The following ROBO2 variants were observed in gnomAD, a reference collection of about 807,000 sequenced individuals.
The protein encoded by ROBO2 is roundabout homolog 2.
Under a neutral mutation model 160.8 loss-of-function variants are expected in ROBO2, and 53 were observed. The ratio of observed to expected loss-of-function variants is 0.33; its 90% CI spans 0.26 to 0.41. ROBO2 has a LOEUF of 0.41. ROBO2 is among the 10% of genes least tolerant of loss of function. The pLI, the probability that ROBO2 is intolerant of heterozygous loss-of-function variation, is 1.00. For synonymous variants in ROBO2, 664 were observed against 611.7 expected (o/e 1.09, Z -1.26); for missense variants, 1,577 against 1,722.4 (o/e 0.92, Z 1.49).
intron 2 of ROBO2, among the ~76,000 whole-genome samples, chr3:76,063,027 A>G (rs1253034803): frequency 2.6e-5 from 4 of 152,170 alleles, no homozygotes; most frequent in African/African-American, 9.7e-5. Context: ...TAAGTTCTTG[A>G]TTAAGCTTAT....
At chr3:76,966,791 C>T (rs999658490) in intron 2 of ROBO2, among the ~76,000 whole-genome samples, 7 of 152,102 alleles carry the variant, frequency 4.6e-5, no homozygotes, top group Admixed American at 1.3e-4. Context: ...ATAAAATGCC[C>T]GGTATACCGT....
chr3:77,337,601 T>A (rs1288198485), intron 2 of ROBO2, among the ~76,000 whole-genome samples: 1 of 152,204 alleles, frequency 6.6e-6, no homozygotes, highest in African/African-American at 2.4e-5. Flanking sequence ...ATTGTTACTT[T>A]ATTTTATTTG....
rs190274325 is a variant in ROBO2, at chr3:76,249,219, A to C, written c.109+311617A>C. On this transcript the variant is annotated intron_variant, in intron 2 of 26. Transcript: ENST00000487694. ...GAGTTAAAACTTAGTGTAGTAAGAA[A>C]GAACATCACCACCACACAGTACTAA... 1.4e-3 allele frequency among the ~76,000 whole-genome samples: 217 copies of C among 152,256 alleles called. 2 individuals carry two copies. The highest frequency in any genetic ancestry group is 6.8e-3 in the Middle Eastern group (2 of 294).
At chr3:76,453,902 A>T (rs1052190935) in intron 2 of ROBO2, among the ~76,000 whole-genome samples, 2 of 152,148 alleles carry the variant, frequency 1.3e-5, no homozygotes, top group Non-Finnish European at 2.9e-5. Flanking sequence ...TCTATTACAG[A>T]TAAAATAAGG....
chr3:76,589,746 T>G (rs773831177), intron 2 of ROBO2, among the ~76,000 whole-genome samples: 11 of 152,254 alleles, frequency 7.2e-5, no homozygotes, highest in Non-Finnish European at 1.2e-4. Flanking sequence ...GTGACTCTAT[T>G]CAGTAATAAA....
At chr3:77,134,983 G>A (rs2076160417) in intron 2 of ROBO2, among the ~76,000 whole-genome samples, 2 of 152,164 alleles carry the variant, frequency 1.3e-5, no homozygotes, top group South Asian at 2.1e-4. Context: ...CCATCTGTTT[G>A]CAGGACGGCA....
chr3:77,317,194 A>T (rs2064092596), intron 2 of ROBO2: 2 of 858,966 alleles, frequency 2.3e-6, no homozygotes, highest in Non-Finnish European at 4.1e-6. Flanking sequence ...AGCACCCCGG[A>T]TGGAAGGCCC....
intron 2 of ROBO2, among the ~76,000 whole-genome samples, chr3:76,001,563 G>C (rs767167087): frequency 6.6e-5 from 10 of 151,772 alleles, no homozygotes; most frequent in Non-Finnish European, 1.3e-4. Flanking sequence ...TCTGTGGCAG[G>C]GTCTCAGGCT....
At chr3:76,042,356 CAG>C (rs1250048251) in intron 2 of ROBO2, among the ~76,000 whole-genome samples, 1 of 151,930 alleles carries the variant, frequency 6.6e-6, no homozygotes, top group Admixed American at 6.6e-5. Flanking sequence ...GTGCGAATAT[CAG>C]AGATTAAAAT....
intron 2 of ROBO2, among the ~76,000 whole-genome samples, chr3:76,637,036 A>C (rs550963463): frequency 6.6e-6 from 1 of 152,254 alleles, no homozygotes; most frequent in African/African-American, 2.4e-5. Flanking sequence ...AGCAAGCAGC[A>C]AGGAATAGAT....
At chr3:76,077,413 A>G (rs926534128) in intron 2 of ROBO2, among the ~76,000 whole-genome samples, 2 of 152,050 alleles carry the variant, frequency 1.3e-5, no homozygotes, top group Admixed American at 6.6e-5. Context: ...AAATACAAAA[A>G]TTAGCCGTGT....
chr3:76,624,404 G>C (rs187847059), intron 2 of ROBO2, among the ~76,000 whole-genome samples: 2 of 152,120 alleles, frequency 1.3e-5, no homozygotes, highest in East Asian at 3.9e-4. Context: ...TGCTTATAGA[G>C]CCAGGCTTTC....
At chr3:77,376,692 A>G (rs899462696) in intron 2 of ROBO2, among the ~76,000 whole-genome samples, 12 of 151,998 alleles carry the variant, frequency 7.9e-5, no homozygotes, top group Non-Finnish European at 1.8e-4. Context: ...GCTGAATGTT[A>G]ATTACCTGCA....
intron 2 of ROBO2, among the ~76,000 whole-genome samples, chr3:77,344,095 C>A (rs903467293): frequency 2.0e-5 from 3 of 151,948 alleles, no homozygotes; most frequent in Non-Finnish European, 4.4e-5. Flanking sequence ...ATAAACATGA[C>A]CTTGATATAG....
At chr3:76,297,962 C>G (rs1709165029) in intron 2 of ROBO2, among the ~76,000 whole-genome samples, 1 of 152,072 alleles carries the variant, frequency 6.6e-6, no homozygotes, top group South Asian at 2.1e-4. Flanking sequence ...CACACAGAGA[C>G]AACATTGTGA....
chr3:76,608,307 A>G (rs531556007), intron 2 of ROBO2, among the ~76,000 whole-genome samples: 4 of 152,250 alleles, frequency 2.6e-5, no homozygotes, highest in African/African-American at 9.6e-5. Context: ...CTATACCTTC[A>G]GTGGGGAGAG....
chr3:76,412,210 G>A (rs2075523494), intron 2 of ROBO2, among the ~76,000 whole-genome samples: 3 of 152,016 alleles, frequency 2.0e-5, no homozygotes, highest in South Asian at 4.1e-4. Flanking sequence ...CACCAACCCC[G>A]TCATTCATTT....
At chr3:76,811,903 T>A (rs1310137003) in intron 2 of ROBO2, among the ~76,000 whole-genome samples, 1 of 146,852 alleles carries the variant, frequency 6.8e-6, no homozygotes, top group Non-Finnish European at 1.5e-5. Flanking sequence ...TGGGGTCTCA[T>A]TCTGTATCCC....
intron 2 of ROBO2, among the ~76,000 whole-genome samples, chr3:77,424,447 TAA>T (rs1232011020): frequency 6.6e-6 from 1 of 152,206 alleles, no homozygotes; most frequent in Non-Finnish European, 1.5e-5. Context: ...TATTTTGATA[TAA>T]GATACAATAT....
Sources: gnomAD v4.1 joint callset for allele counts (sites outside exome capture counted in the v4.1 genomes callset) on GRCh38, gnomAD v4.1.1 for gene constraint, MANE v1.5 for transcripts, NCBI Gene and HGNC (gene_info 2026-07-23, HGNC 2026-07-21) for gene names.